Variants in LASP1 observed in about 807,000 individuals in gnomAD.
The protein encoded by LASP1 is LIM and SH3 protein 1.
A neutral mutation model predicts 38.6 loss-of-function variants in LASP1; 10 were observed. The ratio of observed to expected loss-of-function variants is 0.26; its 90% CI spans 0.16 to 0.44. The LOEUF is 0.44. Ranked by LOEUF, LASP1 falls within the 20% of genes least tolerant of loss-of-function variation. The probability of loss-of-function intolerance (pLI) is 1.00; values close to 1 mark genes in which losing one functional copy is unlikely to be tolerated. For missense variants in LASP1, 243 were observed against 375.7 expected, an observed-to-expected ratio of 0.65 and a Z score of 2.92; for synonymous variants, 132 against 140.8, an observed-to-expected ratio of 0.94 and a Z score of 0.44.
chr17:38,919,934 G>A lies in LASP1; in HGVS notation c.*1156G>A, dbSNP rs1915252123. 1.7e-5 allele frequency: 9 copies of A among 532,536 alleles called. No individual in the cohort carries two copies. The East Asian group carries it at 3.5e-4, about 21-fold the overall frequency. The allele number at this position is 532,536 out of a possible 1,614,324, so 33.0% of individuals were successfully genotyped here. On this transcript the variant is annotated 3_prime_UTR_variant, in exon 7 of 7. Coordinates refer to ENST00000318008, the MANE Select transcript of LASP1 (RefSeq NM_006148.4). Reference sequence around the variant, plus strand: ...TGTAGGTGTCTCTGGGCCTGTGTGTGGGTGGGGTTATGTGAGGGTATGAAG... The same window carrying A: ...TGTAGGTGTCTCTGGGCCTGTGTGTAGGTGGGGTTATGTGAGGGTATGAAG...
chr17:38,889,971 C>G (rs777594524), intron 2 of LASP1, among the ~76,000 whole-genome samples: 2 of 152,234 alleles, frequency 1.3e-5, no homozygotes, highest in Non-Finnish European at 2.9e-5. Flanking sequence ...CTGTCTCCCC[C>G]TTGCTCTCCT....
chr17:38,891,932 A>G (rs1331816522), intron 3 of LASP1, among the ~76,000 whole-genome samples: 8 of 151,782 alleles, frequency 5.3e-5, no homozygotes, highest in Admixed American at 3.3e-4. Flanking sequence ...TGGTCCCTAA[A>G]AAAAAAAACG....
intron 3 of LASP1, among the ~76,000 whole-genome samples, chr17:38,896,247 G>T (rs999254226): frequency 6.6e-6 from 1 of 152,012 alleles, no homozygotes; most frequent in Non-Finnish European, 1.5e-5. Flanking sequence ...CCATAGTCAG[G>T]GTCTGAAGGT....
chr17:38,881,078 G>A (rs1013796709), intron 2 of LASP1, among the ~76,000 whole-genome samples: 1 of 151,994 alleles, frequency 6.6e-6, no homozygotes, highest in Non-Finnish European at 1.5e-5. Flanking sequence ...TTCAGTCTGA[G>A]CGACAGAGCG....
At chr17:38,872,490 G>A (rs745869299) in intron 1 of LASP1, among the ~76,000 whole-genome samples, 24 of 152,086 alleles carry the variant, frequency 1.6e-4, no homozygotes, top group African/African-American at 3.9e-4. Flanking sequence ...GAGAGACCTC[G>A]CCCCCTGTAC....
intron 3 of LASP1, among the ~76,000 whole-genome samples, chr17:38,891,615 G>A (rs1327778893): frequency 1.3e-5 from 2 of 152,110 alleles, no homozygotes; most frequent in African/African-American, 2.4e-5. Flanking sequence ...CAGTGCTCCC[G>A]GCGTGTGAGC....
At position 38,909,940 on chromosome 17, in the gene LASP1, G is replaced by T. The variant is rs987369692; in HGVS notation, c.358-4385G>T. On this transcript the variant is annotated intron_variant, in intron 4 of 6. Transcript: ENST00000318008. ...GTTTTGTATTTTCAGTAGAGACAGG[G>T]TTTCACTGTGTTGGCCAGGCTAGTC... 8.5e-5 allele frequency among the ~76,000 whole-genome samples: 13 copies of T among 152,182 alleles called. 1 individual carries two copies. Among genetic ancestry groups the T allele is most frequent in the Admixed American group, 8.5e-4 (13 of 15,274 alleles).
At position 38,882,040 on chromosome 17, in the gene LASP1, C is replaced by T. The variant is rs1025581140; in HGVS notation, c.164+3860C>T. 2.6e-5 allele frequency among the ~76,000 whole-genome samples: 4 copies of T among 152,308 alleles called. No homozygotes were observed. In the South Asian group the frequency reaches 8.3e-4, roughly 32 times the overall value. ...ACCTGGTGTGGCGGACCCCCACATG[C>T]GTGCAGTTACACACATGCCTGGTGT... On this transcript the variant is annotated intron_variant, in intron 2 of 6. Coordinates refer to ENST00000318008, the MANE Select transcript of LASP1 (RefSeq NM_006148.4).
At position 38,920,181 on chromosome 17, in the gene LASP1, C is replaced by T. The variant is rs117437224; in HGVS notation, c.*1403C>T. 8.3e-3 allele frequency: 4,304 copies of T among 520,718 alleles called. 127 individuals carry two copies. The East Asian group carries it at 0.088, about 11-fold the overall frequency. The allele number at this position is 520,718 out of a possible 1,614,324, so 32.3% of individuals were successfully genotyped here. On this transcript the variant is annotated 3_prime_UTR_variant, in exon 7 of 7. Transcript: ENST00000318008. ...GGGTCTGCAGCCTGCTGGGGCTAAGCGGTGGAGGAAGGCTCTGTCACTCCA... is the reference window on the plus strand; with the variant it reads ...GGGTCTGCAGCCTGCTGGGGCTAAGTGGTGGAGGAAGGCTCTGTCACTCCA...
At chr17:38,885,696 C>T (rs544510127) in intron 2 of LASP1, among the ~76,000 whole-genome samples, 11 of 152,316 alleles carry the variant, frequency 7.2e-5, no homozygotes, top group Admixed American at 4.6e-4. Context: ...TGGGTTCCAG[C>T]GGAGTCACCA....
Position 38,915,144 on chromosome 17 carries a change from G to A in LASP1, c.610G>A (p.Gly204Arg), listed in dbSNP as rs1350353736. ...ACAGCGCAGCGCCCCAGGTGGTGGC[G>A]GGGTGAGTAACCCTGGCCGGAGGGG... Reference protein sequence around the residue: ...SIQRSAPGGGGKRYRAVYDYS... With the variant: ...SIQRSAPGGGRKRYRAVYDYS... The change falls in exon 6 of 7, where the codon GGG becomes AGG. Residue 204 changes from glycine to arginine, a missense_variant and splice_region_variant. This residue lies in a region of LASP1 where 165 missense variants were observed against 210.3 expected (regional missense o/e 0.78). Transcript: ENST00000318008. The A allele has an allele frequency of 2.5e-5, 41 of 1,613,470 alleles. No homozygotes were observed. Among genetic ancestry groups the A allele is most frequent in the Middle Eastern group, 1.7e-4 (1 of 6,022 alleles).
chr17:38,876,434 C>T (rs1913779560), intron 1 of LASP1, among the ~76,000 whole-genome samples: 1 of 152,072 alleles, frequency 6.6e-6, no homozygotes, highest in African/African-American at 2.4e-5. Flanking sequence ...GATCTCAGCT[C>T]ACCGCAATCT....
chr17:38,890,396 C>T (rs1217120064), intron 2 of LASP1, 24 bp from the exon 3 acceptor site: 2 of 1,602,090 alleles, frequency 1.2e-6, no homozygotes, highest in African/African-American at 1.3e-5. Context: ...GAGTCACCCC[C>T]ACTCTGTTTT....
chr17:38,896,499 G>A (rs141040993), intron 3 of LASP1, among the ~76,000 whole-genome samples: 117 of 152,314 alleles, frequency 7.7e-4, no homozygotes, highest in African/African-American at 2.8e-3. Context: ...AGCAGTTCCC[G>A]ATCCTGGGAA....
chr17:38,899,999 A>G (rs1489155067), intron 4 of LASP1, among the ~76,000 whole-genome samples: 1 of 151,658 alleles, frequency 6.6e-6, no homozygotes, highest in Non-Finnish European at 1.5e-5. Context: ...CAAAGTGCTA[A>G]GATTACAGGT....
chr17:38,876,268 TC>T (rs1210769541), intron 1 of LASP1, among the ~76,000 whole-genome samples: 2 of 144,210 alleles, frequency 1.4e-5, no homozygotes, highest in African/African-American at 5.2e-5. Context: ...AACCTCCACC[TC>T]CTGGGTTTAA....
chr17:38,918,258 C>T lies in LASP1; in HGVS notation c.613-347C>T, dbSNP rs914672158. On this transcript the variant is annotated intron_variant, in intron 6 of 6. Transcript: ENST00000318008. This position sits in a 1 kb window ranked among gnomAD's most constrained non-coding sequence, Gnocchi z 4.4. Reference sequence around the variant, plus strand: ...CCTCCCACAGTGCTGGGATTACAGGCGTGAGCCACTGCACCTGGCCTGCAT... The same window carrying T: ...CCTCCCACAGTGCTGGGATTACAGGTGTGAGCCACTGCACCTGGCCTGCAT... 2.6e-5 allele frequency among the ~76,000 whole-genome samples: 4 copies of T among 152,140 alleles called. No homozygotes were observed. The highest frequency in any genetic ancestry group is 5.9e-5 in the Non-Finnish European group (4 of 68,042).
chr17:38,884,797 T>C (rs1311743499), intron 2 of LASP1, among the ~76,000 whole-genome samples: 2 of 150,528 alleles, frequency 1.3e-5, no homozygotes, highest in Non-Finnish European at 3.0e-5. Flanking sequence ...TTCAAGGGAT[T>C]TTCCTGCCTC....
At chr17:38,890,379 T>A in intron 2 of LASP1, 41 bp from the exon 3 acceptor site, 1 of 1,559,112 alleles carries the variant, frequency 6.4e-7, no homozygotes, top group Non-Finnish European at 8.8e-7. Context: ...CTCCTGCCCC[T>A]CCCCCAGAGT....
Sources: gnomAD v4.1 joint callset for allele counts (sites outside exome capture counted in the v4.1 genomes callset) on GRCh38, gnomAD v4.1.1 for gene constraint, gnomAD v4.1.1 regional missense constraint, Gnocchi (gnomAD v3.1) non-coding constraint, MANE v1.5 for transcripts, NCBI Gene and HGNC (gene_info 2026-07-23, HGNC 2026-07-21) for gene names.